Variants in NOX1 observed in about 807,000 individuals in gnomAD.
The protein encoded by NOX1 is NADH/NADPH mitogenic oxidase subunit P65-MOX.
Under a neutral mutation model 42.5 loss-of-function variants are expected in NOX1, and 34 were observed. The observed-to-expected ratio is 0.80, with a 90% CI of 0.61 to 1.07. The LOEUF (loss-of-function observed/expected upper bound fraction) is 1.07. Among genes scored for constraint, NOX1 ranks in the 50% least tolerant of loss-of-function variants. The probability of loss-of-function intolerance (pLI) is 0.00; values close to 1 mark genes in which losing one functional copy is unlikely to be tolerated. For synonymous variants in NOX1, 143 were observed against 152.5 expected, an observed-to-expected ratio of 0.94 and a Z score of 0.46; for missense variants, 408 against 427.0, an observed-to-expected ratio of 0.96 and a Z score of 0.39.
In NOX1 at chrX:100,843,944, C is replaced by T; in HGVS notation, c.*8G>A. 1 of 1,198,693 alleles carries T rather than the reference C, an allele frequency of 8.3e-7. No homozygotes were observed. ...CAAAATGCAGATTACCGTCCTTATT[C>T]CTATAACTCAAAAATTTTCTTTGTT... is the stretch of plus-strand genomic sequence containing the variant. On this transcript the variant is annotated 3_prime_UTR_variant, in exon 13 of 13. Coordinates refer to ENST00000372966, the MANE Select transcript of NOX1 (RefSeq NM_007052.5).
chrX:100,870,625 C>T (rs2085268339), intron 2 of NOX1, 94 bp downstream of exon 2: 2 of 624,377 alleles, frequency 3.2e-6, no homozygotes, highest in South Asian at 2.4e-5. Flanking sequence ...CAACCCTAGC[C>T]CTAGAGAATA....
At position 100,862,530 on chromosome X, in the gene NOX1, C is replaced by G. The variant is rs374024314; in HGVS notation, c.533G>C (p.Gly178Ala). The change falls in exon 6 of 13, where the codon GGA (glycine) becomes GCA (alanine). Residue 178 changes from glycine (G) to alanine (A), a missense_variant. By Grantham distance (60) the Gly-to-Ala change is moderately conservative (BLOSUM62 0). Transcript: ENST00000372966. ...AATCAAGGCTATTGTCATGATCACT[C>G]CAGTGAGACCAGCAATGCTGGTGAA... is the stretch of plus-strand genomic sequence containing the variant. ...VTFTSIAGLT[G>A]VIMTIALILM... is the part of the protein sequence containing the mutation. The G allele has an allele frequency of 1.5e-5, 18 of 1,208,658 alleles. No individual in the cohort carries two copies. The highest frequency in any genetic ancestry group is 2.0e-5 in the Non-Finnish European group (18 of 894,186).
chrX:100,847,197 AAG>A (rs1301999564), intron 12 of NOX1, among the ~76,000 whole-genome samples: 1 of 110,811 alleles, frequency 9.0e-6, no homozygotes, highest in African/African-American at 3.3e-5. Flanking sequence ...TCGAGAAAAA[AAG>A]AGAGAACCAG....
At chrX:100,845,004 G>A (rs538341819) in intron 12 of NOX1, among the ~76,000 whole-genome samples, 4 of 111,085 alleles carry the variant, frequency 3.6e-5, no homozygotes, top group East Asian at 5.7e-4. Flanking sequence ...GGGTCTCACC[G>A]TCTTCTTCCT....
chrX:100,873,447 G>C (rs991428747), intron 1 of NOX1, among the ~76,000 whole-genome samples: 80 of 112,072 alleles, frequency 7.1e-4, no homozygotes, highest in African/African-American at 2.5e-3. Flanking sequence ...CTGAGCACTT[G>C]AAATGTGGCT....
At chrX:100,844,170 T>G in intron 12 of NOX1, 92 bp from the exon 13 acceptor site, 1 of 882,193 alleles carries the variant, frequency 1.1e-6, no homozygotes, top group Non-Finnish European at 1.5e-6. Flanking sequence ...TCCAAGAACC[T>G]TGAATAAAAA....
intron 7 of NOX1, among the ~76,000 whole-genome samples, chrX:100,853,288 T>TTCTTTCTTTCTTTCTCTCTCTTTC (rs2085133554): frequency 2.9e-5 from 2 of 69,671 alleles, no homozygotes; most frequent in South Asian, 7.4e-4. Context: ...CTTTCTTTCT[T>TTCTTTCTTTCTTTCTCTCTCTTTC]TCTTTCTTTC....
chrX:100,853,257 CCTTCCTTT>C (rs1467004249), intron 7 of NOX1, among the ~76,000 whole-genome samples: 8 of 25,437 alleles, frequency 3.1e-4, no homozygotes, highest in Non-Finnish European at 5.5e-4. Context: ...TTCCTTCCTT[CCTTCCTTT>C]CTTTCTTTCT....
rs1225639207 is a variant in NOX1, at chrX:100,853,270, C to CT, written c.805-1946dup. Among the ~76,000 whole-genome samples the CT allele has an allele frequency of 3.7e-3, 148 of 39,953 alleles. 2 individuals carry two copies. The highest frequency in any genetic ancestry group is 0.016 in the African/African-American group (139 of 8,507). The allele number at this position is 39,953 out of a possible 115,157, so 34.7% of individuals were successfully genotyped here. A position where few individuals can be genotyped will look rare whatever the true frequency, so the allele number is the denominator to read the frequency against. ...CCTTCCTTCCTTCCTTCCTTTCTTT[C>CT]TTTCTTTCTTTCTTTCTTTCTTTCT... On this transcript the variant is annotated intron_variant, in intron 7 of 12. Coordinates refer to ENST00000372966, the MANE Select transcript of NOX1 (RefSeq NM_007052.5).
intron 12 of NOX1, among the ~76,000 whole-genome samples, chrX:100,847,019 C>T (rs1021166093): frequency 8.9e-6 from 1 of 111,836 alleles, no homozygotes; most frequent in Admixed American, 9.4e-5. Flanking sequence ...GAAACCCCAT[C>T]TCTACTAAAA....
chrX:100,851,182 C>G, intron 8 of NOX1, 51 bp downstream of exon 8: 1 of 789,771 alleles, frequency 1.3e-6, no homozygotes. Context: ...GTTCTGTAGT[C>G]CGGTAGAAGA....
In NOX1 at chrX:100,862,757, T is replaced by C. The variant is rs749812847; in HGVS notation, c.401A>G (p.Asp134Gly). ...GGAGAGAATGGAGGCAAGGGAGCCA[T>C]CTGTGGCCTGTCGGCTTCTGCTATA... is the stretch of plus-strand genomic sequence containing the variant. ...DCYSRSRQAT[D>G]GSLASILSSL... is the part of the protein sequence containing the mutation. Residue 134 changes from aspartate to glycine, a missense_variant, in exon 5 of 13, where the codon GAT (aspartate) becomes GGT (glycine). By Grantham distance (94) the Asp-to-Gly change is moderately conservative. Transcript: ENST00000372966. The C allele has an allele frequency of 4.2e-6, 5 of 1,199,601 alleles. No homozygotes were observed. The Admixed American group carries it at 1.2e-4, about 28-fold the overall frequency.
intron 2 of NOX1, among the ~76,000 whole-genome samples, chrX:100,870,132 T>A (rs1372676765): frequency 1.9e-5 from 2 of 106,976 alleles, no homozygotes; most frequent in African/African-American, 6.8e-5. Flanking sequence ...TCTTTTTTGG[T>A]TGTGTCTCTG....
rs777715175 is a variant in NOX1 at position 100,862,438 on chromosome X, G to T, written c.625C>A (p.His209Asn). The T allele has an allele frequency of 8.3e-7, 1 of 1,209,274 alleles. No individual in the cohort carries two copies. The highest frequency in any genetic ancestry group is 2.2e-5 in the Admixed American group (1 of 45,747). ...CCAAGGATATAGAAGATAAAAAGGT[G>T]GTGAGTATACCAGAAGACTTCAAAA... ...SYFEVFWYTH[H>N]LFIFYILGLG... The change falls in exon 6 of 13, where the codon CAC becomes AAC. Residue 209 changes from histidine (H) to asparagine (N), a missense_variant. His to Asn is a moderately conservative substitution (Grantham distance 68). Transcript: ENST00000372966.
At chrX:100,867,136 C>T (rs1203537794) in intron 2 of NOX1, among the ~76,000 whole-genome samples, 3 of 111,766 alleles carry the variant, frequency 2.7e-5, no homozygotes, top group African/African-American at 9.7e-5. Context: ...GGGTTCACGC[C>T]ATTCTTCTGC....
intron 2 of NOX1, among the ~76,000 whole-genome samples, chrX:100,868,979 G>A (rs754012486): frequency 3.6e-5 from 4 of 110,699 alleles, no homozygotes; most frequent in East Asian, 2.8e-4. Flanking sequence ...GTAGATATGC[G>A]GCATTATTTC....
chrX:100,867,228 T>G (rs2085244458), intron 2 of NOX1, among the ~76,000 whole-genome samples: 2 of 110,831 alleles, frequency 1.8e-5, no homozygotes, highest in African/African-American at 6.6e-5. Flanking sequence ...GAGATGGGGT[T>G]TCACCGTGGT....
Position 100,862,696 on chromosome X carries a change from C to T in NOX1, c.462G>A (p.Trp154Ter). The T allele has an allele frequency of 8.4e-7, 1 of 1,195,189 alleles. No individual in the cohort carries two copies. The highest frequency in any genetic ancestry group is 1.1e-6 in the Non-Finnish European group (1 of 890,118). The change falls in exon 5 of 13, where the codon TGG becomes TGA. Residue 154 changes from tryptophan (W) to a stop codon, truncating the protein, a stop_gained. Transcript: ENST00000372966. LOFTEE classifies it high-confidence loss of function. ...TGTTTCGGGACTGGATGGGATTTAG[C>T]CAAGAACCCCCCTTTTTCTCATCAT... ...LSHDEKKGGS[W>*]LNPIQSRNTT...
At chrX:100,852,079 T>A (rs1460624420) in intron 7 of NOX1, among the ~76,000 whole-genome samples, 1 of 112,570 alleles carries the variant, frequency 8.9e-6, no homozygotes, top group Non-Finnish European at 1.9e-5. Flanking sequence ...ATGCTACTGG[T>A]ACATAAAACT....
Sources: allele counts gnomAD v4.1 joint callset (sites outside exome capture counted in the v4.1 genomes callset), GRCh38; gene constraint gnomAD v4.1.1; transcripts MANE v1.5; gene names NCBI Gene and HGNC (gene_info 2026-07-23, HGNC 2026-07-21).